Variants in VPS13A observed in about 807,000 individuals in gnomAD.
The protein encoded by VPS13A is vacuolar protein sorting 13 homolog A, also known as intermembrane lipid transfer protein VPS13A.
A neutral mutation model predicts 390.9 loss-of-function variants in VPS13A; 264 were observed. The ratio of observed to expected loss-of-function variants is 0.68; its 90% confidence interval spans 0.61 to 0.75. The LOEUF (loss-of-function observed/expected upper bound fraction) is 0.75, where lower values mean the gene tolerates loss of function less well. Ranked by LOEUF, VPS13A falls within the 30% of genes least tolerant of loss-of-function variation. The pLI, the probability that VPS13A is intolerant of heterozygous loss-of-function variation, is 0.00. For synonymous variants in VPS13A, 1,231 were observed against 1,227.1 expected (o/e 1.00, Z -0.07); for missense variants, 3,409 against 3,733.9 (o/e 0.91, Z 2.27).
chr9:77,201,109 G>A (rs2131107328), intron 2 of VPS13A, among the ~76,000 whole-genome samples: 1 of 152,186 alleles, frequency 6.6e-6, no homozygotes, highest in Non-Finnish European at 1.5e-5. Context: ...TTTGATATGA[G>A]TAGATTTTCT....
rs1831009043 is a variant in VPS13A at position 77,344,212 on chromosome 9, T to G, written c.7086T>G (p.Ser2362Arg). 1 of 1,612,756 alleles carries G rather than the reference T, an allele frequency of 6.2e-7. No homozygotes were observed. The highest frequency in any genetic ancestry group is 1.7e-5 in the Admixed American group (1 of 59,974). Residue 2362 changes from serine (S) to arginine (R), a missense_variant, in exon 51 of 72, where the codon AGT becomes AGG. Around this residue, in one of 5 missense-constraint regions of VPS13A, gnomAD observed 2,717 missense variants for 2,917.4 expected, o/e 0.93. Coordinates refer to ENST00000360280, the MANE Select transcript of VPS13A (RefSeq NM_033305.3). ...SSKLLIQVER[S>R]EDPPKRIYFN... ...AACTTCTTATTCAAGTCGAAAGGAGTGAAGATCCTCCCAAAAGGATATATT... is the reference window on the plus strand; with the variant it reads ...AACTTCTTATTCAAGTCGAAAGGAGGGAAGATCCTCCCAAAAGGATATATT...
chr9:77,384,452 T>A (rs1184060211), intron 68 of VPS13A: 1 of 1,256,894 alleles, frequency 8.0e-7, no homozygotes, highest in East Asian at 2.3e-5. Flanking sequence ...AATTACAGTC[T>A]GAGTCATAGC....
At chr9:77,197,560 A>G (rs781315585) in intron 1 of VPS13A, among the ~76,000 whole-genome samples, 16 of 152,156 alleles carry the variant, frequency 1.1e-4, no homozygotes, top group Admixed American at 2.0e-4. Flanking sequence ...TTATATGTCT[A>G]ATATTAGTAT....
chr9:77,311,300 A>G (rs1430590900), intron 35 of VPS13A, among the ~76,000 whole-genome samples: 4 of 152,160 alleles, frequency 2.6e-5, no homozygotes, highest in African/African-American at 4.8e-5. Context: ...CCTCCAGCCC[A>G]TAAGATTATT....
intron 22 of VPS13A, among the ~76,000 whole-genome samples, chr9:77,254,438 G>A (rs1475802906): frequency 6.6e-6 from 1 of 152,014 alleles, no homozygotes; most frequent in African/African-American, 2.4e-5. Context: ...TTAGATTACT[G>A]TAGCTTTATA....
chr9:77,243,473 C>A (rs1824623869), intron 19 of VPS13A, among the ~76,000 whole-genome samples: 1 of 152,080 alleles, frequency 6.6e-6, no homozygotes, highest in Non-Finnish European at 1.5e-5. Context: ...AACTCAAGGT[C>A]TTTCAGGTCT....
chr9:77,391,474 T>C (rs1443357571), intron 68 of VPS13A, among the ~76,000 whole-genome samples: 1 of 152,118 alleles, frequency 6.6e-6, no homozygotes, highest in East Asian at 1.9e-4. Flanking sequence ...CACCATGTTT[T>C]TTGGTGTTTT....
rs1241100318 is a variant in VPS13A at position 77,207,228 on chromosome 9, TA to T, written c.385+1150del. 6.4e-4 allele frequency among the ~76,000 whole-genome samples: 60 copies of T among 93,334 alleles called. 3 individuals are homozygous for T. Among genetic ancestry groups the T allele is most frequent in the Non-Finnish European group, 8.6e-4 (38 of 44,424 alleles). 61.2% of individuals were successfully genotyped at this position (93,334 alleles called of 152,430 possible). On this transcript the variant is annotated intron_variant, in intron 5 of 71. Transcript: ENST00000360280. ...TATTTAGATATTATATATATATATA[TA>T]TATATATATATATATATATATATAA...
rs145444877 is a variant in VPS13A, at chr9:77,351,592, G to A, written c.7419+146G>A. The stretch of plus-strand genomic sequence containing the variant: ...TGGAGATCAGCCTGGCCAATAAGGT[G>A]AAACCCTGTCTCTCCTAAAAATACA... On this transcript the variant is annotated intron_variant, in intron 53 of 71. Transcript: ENST00000360280. 2.3e-4 allele frequency: 241 copies of A among 1,047,602 alleles called. 7 individuals are homozygous for A. In the East Asian group the frequency reaches 6.4e-3, roughly 28 times the overall value. 64.9% of individuals were successfully genotyped at this position (1,047,602 alleles called of 1,614,324 possible). A position where few individuals can be genotyped will look rare whatever the true frequency, so the allele number is the denominator to read the frequency against.
intron 35 of VPS13A, among the ~76,000 whole-genome samples, chr9:77,313,398 T>C (rs1370864454): frequency 1.3e-5 from 2 of 152,172 alleles, no homozygotes; most frequent in Non-Finnish European, 2.9e-5. Context: ...ATGTATTTCA[T>C]TGTATGTAAA....
At chr9:77,376,258 A>T (rs560209121) in intron 67 of VPS13A, among the ~76,000 whole-genome samples, 1 of 152,306 alleles carries the variant, frequency 6.6e-6, no homozygotes, top group South Asian at 2.1e-4. Context: ...ACCAGGGAAC[A>T]TGCGGGGAAT....
At chr9:77,250,855 G>A (rs567489228) in intron 21 of VPS13A, among the ~76,000 whole-genome samples, 1 of 152,282 alleles carries the variant, frequency 6.6e-6, no homozygotes, top group East Asian at 1.9e-4. Flanking sequence ...AGTAGTTAGG[G>A]AGAGACCCCA....
In VPS13A at chr9:77,348,018, G is replaced by A. The variant is rs56190726; in HGVS notation, c.7289+2876G>A. 3.8e-3 allele frequency among the ~76,000 whole-genome samples: 573 copies of A among 152,260 alleles called. 5 individuals are homozygous for A. Among genetic ancestry groups the A allele is most frequent in the African/African-American group, 0.013 (552 of 41,546 alleles). ...GGAGAAATAGGAACGCTTTTACACT[G>A]TTGCTGGAAGTGTTAATTAGTTCAA... On this transcript the variant is annotated intron_variant, in intron 52 of 71. Transcript: ENST00000360280.
rs1327319345 is a variant in VPS13A at position 77,295,789 on chromosome 9, C to A, written c.3755C>A (p.Ser1252Tyr). 1 of 1,614,016 alleles carries A rather than the reference C, an allele frequency of 6.2e-7. No individual in the cohort carries two copies. The highest frequency in any genetic ancestry group is 1.1e-5 in the South Asian group (1 of 91,084). Residue 1252 changes from serine to tyrosine, a missense_variant, in exon 33 of 72, where the codon TCT becomes TAT. Physicochemically the swap from Ser to Tyr is moderately radical, Grantham distance 144. Around this residue, in one of 5 missense-constraint regions of VPS13A, gnomAD observed 2,717 missense variants for 2,917.4 expected, o/e 0.93. Transcript: ENST00000360280. ...CATATGATAACAGAGAGCCAGAGCT[C>A]TCCCCCACCTGTTATTGATTTGATA... ...TFHMITESQS[S>Y]PPPVIDLITI...
In VPS13A at chr9:77,359,224, T is replaced by G. The variant is rs1028093308; in HGVS notation, c.8036-109T>G. 9.9e-6 allele frequency: 9 copies of G among 906,028 alleles called. No homozygotes were observed. In the African/African-American group the frequency reaches 1.5e-4, roughly 15 times the overall value. 56.1% of individuals were successfully genotyped at this position (906,028 alleles called of 1,614,324 possible). On this transcript the variant is annotated intron_variant, in intron 57 of 71. Transcript: ENST00000360280. ...CCAATATCAGTAATTTTAACTGATA[T>G]TTATTATTTAGTAAATGATTTAATT... is the stretch of plus-strand genomic sequence containing the variant.
At chr9:77,199,711 G>T (rs752801829) in intron 1 of VPS13A, among the ~76,000 whole-genome samples, 1 of 152,056 alleles carries the variant, frequency 6.6e-6, no homozygotes, top group African/African-American at 2.4e-5. Flanking sequence ...TATTAACATT[G>T]AGCTACAATT....
At chr9:77,373,340 C>G (rs968992910) in intron 67 of VPS13A, among the ~76,000 whole-genome samples, 3 of 145,112 alleles carry the variant, frequency 2.1e-5, no homozygotes, top group African/African-American at 7.6e-5. Flanking sequence ...CGCATATCTA[C>G]AACTATCTGA....
Position 77,411,401 on chromosome 9 carries a change from C to T in VPS13A, c.9474+3794C>T, listed in dbSNP as rs564360778. On this transcript the variant is annotated intron_variant, in intron 71 of 71. Transcript: ENST00000360280. ...GAACTAGGCCGGGCACAGTGGCTCA[C>T]GCCTGTAATCCCAGCACTTTGGGAG... Among the ~76,000 whole-genome samples the T allele has an allele frequency of 4.6e-5, 7 of 152,200 alleles. No homozygotes were observed. In the South Asian group the frequency reaches 6.2e-4, roughly 14 times the overall value.
At chr9:77,298,421 A>G (rs1171329646) in intron 33 of VPS13A, among the ~76,000 whole-genome samples, 1 of 152,206 alleles carries the variant, frequency 6.6e-6, no homozygotes, top group Non-Finnish European at 1.5e-5. Flanking sequence ...GGAACCCTCA[A>G]AAGAGACGAA....
Sources: gnomAD v4.1 joint callset for allele counts (sites outside exome capture counted in the v4.1 genomes callset) on GRCh38, gnomAD v4.1.1 for gene constraint, gnomAD v4.1.1 regional missense constraint, MANE v1.5 for transcripts, NCBI Gene and HGNC (gene_info 2026-07-23, HGNC 2026-07-21) for gene names.